The following PPIP5K2 variants were observed in gnomAD, a reference collection of about 807,000 sequenced individuals.
PPIP5K2 encodes the protein inositol hexakisphosphate and diphosphoinositol-pentakisphosphate kinase 2.
Under a neutral mutation model 154.6 loss-of-function variants are expected in PPIP5K2, and 105 were observed. The observed-to-expected ratio is 0.68, with a 90% confidence interval of 0.58 to 0.80. PPIP5K2 has a LOEUF of 0.80. Ranked by LOEUF, PPIP5K2 falls within the 30% of genes least tolerant of loss-of-function variation. PPIP5K2 has a pLI of 0.00. For synonymous variants in PPIP5K2, 480 were observed against 490.3 expected, an observed-to-expected ratio of 0.98 and a Z score of 0.28; for missense variants, 992 against 1,504.6, an observed-to-expected ratio of 0.66 and a Z score of 5.64.
At position 103,129,690 on chromosome 5, in the gene PPIP5K2, A is replaced by G; in HGVS notation, c.101A>G (p.Glu34Gly). 1 of 1,604,646 alleles carries G rather than the reference A, an allele frequency of 6.2e-7. No individual in the cohort carries two copies. Among genetic ancestry groups the G allele is most frequent in the Non-Finnish European group, 8.5e-7 (1 of 1,176,928 alleles). The change falls in exon 2 of 31, where the codon GAG (glutamate) becomes GGG (glycine). Residue 34 changes from glutamate to glycine, a missense_variant. By Grantham distance (98) the Glu-to-Gly change is moderately conservative. Coordinates refer to ENST00000358359, the MANE Select transcript of PPIP5K2 (RefSeq NM_001276277.3). The stretch of plus-strand genomic sequence containing the variant: ...CACCATGCAGATGAAGACGATGAGG[A>G]GGAAGATGATTCTGTAAGTTGTTTG... ...FFHHADEDDE[E>G]EDDSPPERQI... is the part of the protein sequence containing the mutation.
chr5:103,155,075 G>A (rs1795195590), intron 13 of PPIP5K2, 132 bp downstream of exon 13: 2 of 466,270 alleles, frequency 4.3e-6, no homozygotes, highest in Non-Finnish European at 7.1e-6. Flanking sequence ...GAGACATGAA[G>A]GAAAATCTAA....
At chr5:103,140,615 C>T (rs909236096) in intron 5 of PPIP5K2, among the ~76,000 whole-genome samples, 1 of 151,782 alleles carries the variant, frequency 6.6e-6, no homozygotes, top group Non-Finnish European at 1.5e-5. Flanking sequence ...TTTGGGAGGC[C>T]GAGGCGGGCG....
intron 30 of PPIP5K2, among the ~76,000 whole-genome samples, chr5:103,197,012 G>A (rs1297437170): frequency 1.3e-5 from 2 of 152,096 alleles, no homozygotes; most frequent in Non-Finnish European, 2.9e-5. Context: ...AGGAAGGATC[G>A]ACAGTACAAT....
intron 17 of PPIP5K2, 83 bp downstream of exon 17, chr5:103,159,411 T>C: frequency 8.8e-7 from 1 of 1,133,188 alleles, no homozygotes; most frequent in Non-Finnish European, 1.2e-6. Context: ...CATGTAGAGC[T>C]TATTGTATTA....
In PPIP5K2 at chr5:103,131,370, T is replaced by C. The variant is rs142294975; in HGVS notation, c.114+1667T>C. On this transcript the variant is annotated intron_variant, in intron 2 of 30. Coordinates refer to ENST00000358359, the MANE Select transcript of PPIP5K2 (RefSeq NM_001276277.3). ...ATAAATGCTGTGTAAATAGTTGTTA[T>C]ACTGTATCATTTAGGGAATAATAAT... Among the ~76,000 whole-genome samples, 1,028 of 152,290 alleles carry C rather than the reference T, an allele frequency of 6.8e-3. 7 individuals are homozygous for C. The highest frequency in any genetic ancestry group is 0.013 in the Non-Finnish European group (855 of 68,008).
intron 24 of PPIP5K2, among the ~76,000 whole-genome samples, chr5:103,181,945 A>G (rs1799615844): frequency 6.6e-6 from 1 of 152,216 alleles, no homozygotes; most frequent in East Asian, 1.9e-4. Context: ...TGATATTTTA[A>G]TTACAAAAGA....
At chr5:103,149,109 C>A (rs782336841) in intron 7 of PPIP5K2, 43 bp from the exon 8 acceptor site, 1 of 1,414,552 alleles carries the variant, frequency 7.1e-7, no homozygotes, top group Non-Finnish European at 9.6e-7. Context: ...CACACACACA[C>A]ATACATATAT....
intron 28 of PPIP5K2, among the ~76,000 whole-genome samples, chr5:103,189,444 A>T (rs2149793593): frequency 6.6e-6 from 1 of 151,874 alleles, no homozygotes; most frequent in South Asian, 2.1e-4. Context: ...TTGTGAGGAA[A>T]GAAGAAAAGA....
chr5:103,191,905 T>C (rs1801304086), intron 29 of PPIP5K2, among the ~76,000 whole-genome samples: 1 of 152,114 alleles, frequency 6.6e-6, no homozygotes, highest in South Asian at 2.1e-4. Context: ...GTATCATTCC[T>C]CTTTTTCTGA....
At chr5:103,128,768 T>C (rs1225511704) in intron 1 of PPIP5K2, among the ~76,000 whole-genome samples, 4 of 152,208 alleles carry the variant, frequency 2.6e-5, no homozygotes, top group African/African-American at 9.6e-5. Flanking sequence ...AAATGAAATC[T>C]TGTTCTGACT....
chr5:103,175,923 C>A (rs1798635206), intron 21 of PPIP5K2, among the ~76,000 whole-genome samples: 1 of 151,936 alleles, frequency 6.6e-6, no homozygotes. Flanking sequence ...TTAAAGTCTG[C>A]CAAAATGTTT....
intron 28 of PPIP5K2, 108 bp from the exon 29 acceptor site, chr5:103,190,734 C>G: frequency 1.0e-6 from 1 of 973,016 alleles, no homozygotes; most frequent in Non-Finnish European, 1.4e-6. Context: ...ATGTGATAGA[C>G]TGAAAAGACC....
intron 5 of PPIP5K2, among the ~76,000 whole-genome samples, chr5:103,144,291 A>G (rs1372295507): frequency 6.6e-6 from 1 of 152,218 alleles, no homozygotes; most frequent in East Asian, 1.9e-4. Flanking sequence ...AGAACACACA[A>G]AAAAATGGAA....
intron 24 of PPIP5K2, among the ~76,000 whole-genome samples, chr5:103,182,583 A>G (rs1374428007): frequency 6.6e-6 from 1 of 152,208 alleles, no homozygotes; most frequent in Admixed American, 6.5e-5. Context: ...AAACCTGAAC[A>G]TGCAAACATG....
rs2149881534 is a variant in PPIP5K2 at position 103,205,776 on chromosome 5, A to G, written c.*4142A>G. 1 of 152,280 alleles carries G rather than the reference A, an allele frequency of 6.6e-6. No individual in the cohort carries two copies. The highest frequency in any genetic ancestry group is 6.5e-5 in the Admixed American group (1 of 15,290). The allele number at this position is 152,280 out of a possible 1,614,324, so 9.4% of individuals were successfully genotyped here. On this transcript the variant is annotated 3_prime_UTR_variant, in exon 31 of 31. Transcript: ENST00000358359. ...TTTTCATTATAGGTTTTACCTTATC[A>G]TTATTAAAATGTCCTTTTTGTCCAT...
chr5:103,131,373 T>C (rs1439019008), intron 2 of PPIP5K2, among the ~76,000 whole-genome samples: 1 of 152,198 alleles, frequency 6.6e-6, no homozygotes, highest in Non-Finnish European at 1.5e-5. Context: ...GTTGTTATAC[T>C]GTATCATTTA....
At chr5:103,187,281 C>T (rs1433581773) in intron 27 of PPIP5K2, 33 bp from the exon 28 acceptor site, 18 of 1,501,808 alleles carry the variant, frequency 1.2e-5, no homozygotes, top group Admixed American at 6.0e-5. Flanking sequence ...GTAGCTGTTA[C>T]GAATTTCAGG....
chr5:103,181,881 G>T (rs1337847470), intron 24 of PPIP5K2, among the ~76,000 whole-genome samples: 1 of 151,984 alleles, frequency 6.6e-6, no homozygotes, highest in Non-Finnish European at 1.5e-5. Flanking sequence ...CCATAAAGTA[G>T]ATCCTTATAA....
intron 24 of PPIP5K2, among the ~76,000 whole-genome samples, 179 bp downstream of exon 24, chr5:103,180,367 CT>C (rs1230292279): frequency 6.6e-6 from 1 of 151,696 alleles, no homozygotes; most frequent in African/African-American, 2.4e-5. Flanking sequence ...AATAGATTAG[CT>C]TTAGAATGTT....
Sources: gnomAD v4.1 joint callset for allele counts (sites outside exome capture counted in the v4.1 genomes callset) on GRCh38, gnomAD v4.1.1 for gene constraint, MANE v1.5 for transcripts, NCBI Gene and HGNC (gene_info 2026-07-23, HGNC 2026-07-21) for gene names.